Variants in ZNF385D observed in about 807,000 individuals in gnomAD.
ZNF385D encodes zinc finger protein 385D.
A neutral mutation model predicts 35.8 loss-of-function variants in ZNF385D; 15 were observed. The ratio of observed to expected loss-of-function variants is 0.42; its 90% CI spans 0.28 to 0.64. The LOEUF (loss-of-function observed/expected upper bound fraction) is 0.64. Among genes scored for constraint, ZNF385D ranks in the 30% least tolerant of loss-of-function variants. The pLI, the probability that ZNF385D is intolerant of heterozygous loss-of-function variation, is 0.23. For missense variants in ZNF385D, 474 were observed against 494.6 expected, an observed-to-expected ratio of 0.96 and a Z score of 0.39; for synonymous variants, 212 against 186.8, an observed-to-expected ratio of 1.13 and a Z score of -1.10.
chr3:22,194,624 C>G (rs1021662422), intron 2 of ZNF385D, among the ~76,000 whole-genome samples: 2 of 151,622 alleles, frequency 1.3e-5, no homozygotes, highest in African/African-American at 4.8e-5. Context: ...CATAAAACAC[C>G]ACATCACCCC....
chr3:22,194,353 G>T (rs989712007), intron 2 of ZNF385D, among the ~76,000 whole-genome samples: 1 of 151,100 alleles, frequency 6.6e-6, no homozygotes, highest in Non-Finnish European at 1.5e-5. Context: ...TGGGTTTTTT[G>T]AATTAAAATT....
intron 3 of ZNF385D, among the ~76,000 whole-genome samples, chr3:22,012,206 A>G (rs997481105): frequency 6.6e-6 from 1 of 152,140 alleles, no homozygotes; most frequent in African/African-American, 2.4e-5. Flanking sequence ...AGGATATATG[A>G]CACACCTCTT....
intron 3 of ZNF385D, among the ~76,000 whole-genome samples, chr3:21,810,111 T>A (rs1357232427): frequency 1.3e-5 from 2 of 152,058 alleles, no homozygotes; most frequent in Non-Finnish European, 2.9e-5. Context: ...CAAGCCAATA[T>A]ACCTCATGAA....
chr3:21,870,115 C>T (rs1697606888), intron 3 of ZNF385D, among the ~76,000 whole-genome samples: 1 of 151,820 alleles, frequency 6.6e-6, no homozygotes, highest in African/African-American at 2.4e-5. Context: ...AAATGTATAA[C>T]TGCAGATTTA....
upstream of ZNF385D, among the ~76,000 whole-genome samples, chr3:21,756,133 G>C (rs75144729): frequency 6.6e-6 from 1 of 152,152 alleles, no homozygotes; most frequent in African/African-American, 2.4e-5. Context: ...AAGCGAGCAA[G>C]GACAGATGTA....
At chr3:22,333,472 T>C (rs938196521) in intron 2 of ZNF385D, among the ~76,000 whole-genome samples, 4 of 152,158 alleles carry the variant, frequency 2.6e-5, no homozygotes, top group African/African-American at 9.7e-5. Flanking sequence ...TTTCTATCTT[T>C]TTTTCTCTCT....
intron 3 of ZNF385D, among the ~76,000 whole-genome samples, chr3:21,557,322 T>G (rs370607680): frequency 6.6e-6 from 1 of 152,244 alleles, no homozygotes; most frequent in Admixed American, 6.5e-5. Flanking sequence ...GCTCTTATTA[T>G]TTCAAGGTAG....
intron 3 of ZNF385D, among the ~76,000 whole-genome samples, chr3:21,940,588 G>C (rs1701469626): frequency 6.6e-6 from 1 of 152,118 alleles, no homozygotes; most frequent in South Asian, 2.1e-4. Flanking sequence ...AACAAACCTA[G>C]TCTATATGCT....
At chr3:21,958,713 T>C (rs777856590) in intron 3 of ZNF385D, 7 of 152,120 alleles carry the variant, frequency 4.6e-5, no homozygotes, top group South Asian at 2.1e-4. Context: ...AGCTTCACAA[T>C]TGAAATAAAA....
At chr3:21,925,923 C>G (rs1433355102) in intron 3 of ZNF385D, among the ~76,000 whole-genome samples, 1 of 152,122 alleles carries the variant, frequency 6.6e-6, no homozygotes, top group African/African-American at 2.4e-5. Context: ...TAATACCACA[C>G]TGAGCTATTA....
At chr3:21,445,514 TG>T (rs1702099566) in intron 4 of ZNF385D, among the ~76,000 whole-genome samples, 1 of 152,258 alleles carries the variant, frequency 6.6e-6, no homozygotes, top group Non-Finnish European at 1.5e-5. Flanking sequence ...AAAGAAGCCT[TG>T]GCATGTCTTT....
chr3:22,026,551 G>A (rs956439067), intron 3 of ZNF385D, among the ~76,000 whole-genome samples: 2 of 152,168 alleles, frequency 1.3e-5, no homozygotes, highest in Non-Finnish European at 1.5e-5. Context: ...TTTTAGCTCA[G>A]GTCCTACTTA....
chr3:22,114,036 T>C (rs1216421763), intron 3 of ZNF385D, among the ~76,000 whole-genome samples: 6 of 152,106 alleles, frequency 3.9e-5, no homozygotes, highest in African/African-American at 1.4e-4. Context: ...ATATTAACAG[T>C]ATTAAAAATC....
intron 2 of ZNF385D, among the ~76,000 whole-genome samples, chr3:22,325,501 C>T (rs1293295224): frequency 2.6e-5 from 4 of 152,152 alleles, no homozygotes; most frequent in East Asian, 1.9e-4. Context: ...CGGTGATGCA[C>T]GCCTATAGTC....
chr3:22,283,034 T>G (rs572522155), intron 2 of ZNF385D, among the ~76,000 whole-genome samples: 1 of 152,186 alleles, frequency 6.6e-6, no homozygotes, highest in Non-Finnish European at 1.5e-5. Context: ...CAGGAGTAAC[T>G]ATTTTTATAT....
chr3:22,327,967 G>A (rs1403109524), intron 2 of ZNF385D, among the ~76,000 whole-genome samples: 1 of 152,140 alleles, frequency 6.6e-6, no homozygotes, highest in Non-Finnish European at 1.5e-5. Context: ...GTAACATTAA[G>A]CGCCTAATAT....
intron 2 of ZNF385D, among the ~76,000 whole-genome samples, chr3:22,288,354 T>C (rs1014783840): frequency 6.6e-6 from 1 of 152,090 alleles, no homozygotes; most frequent in Admixed American, 6.6e-5. Context: ...TCTTGATTTC[T>C]TCTCCTGGAA....
chr3:22,318,432 G>A (rs1403923807), intron 2 of ZNF385D, among the ~76,000 whole-genome samples: 1 of 152,172 alleles, frequency 6.6e-6, no homozygotes, highest in Non-Finnish European at 1.5e-5. Context: ...CCAGTGTGAA[G>A]AAAGTGACGT....
In ZNF385D at chr3:21,945,145, C is replaced by CGTATATGT. The variant is rs1491139694; in HGVS notation, c.325+223671_325+223672insACATATAC. On this transcript the variant is annotated intron_variant, in intron 3 of 5. Transcript: ENST00000494108. Reference sequence around the variant, plus strand: ...ACGTGTGTGTATATATATGTATATGCATATATATATACACACACATATATA... The same window carrying CGTATATGT: ...ACGTGTGTGTATATATATGTATATGCGTATATGTATATATATATACACACACATATATA... Among the ~76,000 whole-genome samples the CGTATATGT allele has an allele frequency of 1.6e-3, 240 of 151,230 alleles. 1 individual carries two copies. Among genetic ancestry groups the CGTATATGT allele is most frequent in the African/African-American group, 4.9e-3 (200 of 41,198 alleles).
Sources: gnomAD v4.1 joint callset for allele counts (sites outside exome capture counted in the v4.1 genomes callset) on GRCh38, gnomAD v4.1.1 for gene constraint, MANE v1.5 for transcripts, NCBI Gene and HGNC (gene_info 2026-07-23, HGNC 2026-07-21) for gene names.